Variants in NAV3 observed in about 807,000 individuals in gnomAD.
NAV3 encodes the protein neuron navigator 3.
A neutral mutation model predicts 244.7 loss-of-function variants in NAV3; 87 were observed. The ratio of observed to expected loss-of-function variants is 0.36; its 90% CI spans 0.30 to 0.42. The LOEUF is 0.42. NAV3 is among the 20% of genes least tolerant of loss of function. The probability of loss-of-function intolerance (pLI) is 1.00; values close to 1 mark genes in which losing one functional copy is unlikely to be tolerated. For missense variants in NAV3, 2,663 were observed against 2,893.3 expected, an observed-to-expected ratio of 0.92 and a Z score of 1.83; for synonymous variants, 1,126 against 1,042.2, an observed-to-expected ratio of 1.08 and a Z score of -1.55.
chr12:77,719,935 A>G (rs774126925), intron 2 of NAV3, among the ~76,000 whole-genome samples: 1 of 152,074 alleles, frequency 6.6e-6, no homozygotes, highest in Non-Finnish European at 1.5e-5. Flanking sequence ...TTCTTTGCTG[A>G]GATTTTTTAA....
At chr12:77,804,031 C>G (rs1280361019) in intron 2 of NAV3, among the ~76,000 whole-genome samples, 1 of 152,040 alleles carries the variant, frequency 6.6e-6, no homozygotes, top group Non-Finnish European at 1.5e-5. Flanking sequence ...GATATTAGCC[C>G]TTTGTCAGAT....
chr12:77,824,241 A>ATTTTTTTTTTTTTT (rs61710960), intron 2 of NAV3, among the ~76,000 whole-genome samples: 103 of 104,910 alleles, frequency 9.8e-4, no homozygotes, highest in African/African-American at 2.3e-3. Flanking sequence ...GCCCAACTAA[A>ATTTTTTTTTTTTTT]TTTTTTTTTT....
chr12:77,745,252 G>A (rs139354656), intron 2 of NAV3, among the ~76,000 whole-genome samples: 328 of 152,120 alleles, frequency 2.2e-3, no homozygotes, highest in African/African-American at 7.4e-3. Context: ...CTTTCTGCAT[G>A]CAACTGAGGT....
chr12:78,160,176 GTA>G (rs1194010789), intron 23 of NAV3, among the ~76,000 whole-genome samples: 1 of 152,052 alleles, frequency 6.6e-6, no homozygotes, highest in Non-Finnish European at 1.5e-5. Context: ...GGATTTTATG[GTA>G]TGAAAGAAGG....
At chr12:77,693,127 T>C (rs1875115251) in intron 2 of NAV3, among the ~76,000 whole-genome samples, 1 of 152,138 alleles carries the variant, frequency 6.6e-6, no homozygotes, top group Admixed American at 6.6e-5. Flanking sequence ...TGCCAGTCCA[T>C]GCAGAATCCT....
At chr12:77,797,460 T>C (rs1871468815) in intron 2 of NAV3, among the ~76,000 whole-genome samples, 1 of 151,780 alleles carries the variant, frequency 6.6e-6, no homozygotes, top group Admixed American at 6.6e-5. Flanking sequence ...GGCAAATTGG[T>C]AAACACATTA....
chr12:78,023,869 G>A (rs560377505), intron 9 of NAV3, among the ~76,000 whole-genome samples: 2 of 151,834 alleles, frequency 1.3e-5, no homozygotes, highest in African/African-American at 2.4e-5. Context: ...GTATCTACAC[G>A]GGTGTTCTTT....
chr12:77,891,321 G>T (rs982012921), intron 1 of NAV3, among the ~76,000 whole-genome samples: 37 of 148,708 alleles, frequency 2.5e-4, no homozygotes, highest in African/African-American at 1.2e-4. Flanking sequence ...AATTTATAAA[G>T]ATAATATAAT....
At chr12:77,683,231 T>A (rs111384625) in intron 2 of NAV3, among the ~76,000 whole-genome samples, 63 of 152,318 alleles carry the variant, frequency 4.1e-4, no homozygotes, top group African/African-American at 1.4e-3. Context: ...CTTTTGCATG[T>A]GGTTTTCTAG....
intron 2 of NAV3, among the ~76,000 whole-genome samples, chr12:77,576,664 A>G (rs1592467190): frequency 6.6e-6 from 1 of 152,096 alleles, no homozygotes; most frequent in African/African-American, 2.4e-5. Context: ...TGTTCTTCAG[A>G]TTATTCTTGC....
Position 78,179,574 on chromosome 12 carries a change from G to A in NAV3, c.5409G>A (p.Leu1803=), listed in dbSNP as rs142306478. Residue 1803 remains leucine, a synonymous_variant, in exon 29 of 40, where the codon CTG becomes CTA. Coordinates refer to ENST00000397909, the MANE Select transcript of NAV3 (RefSeq NM_001024383.2). ...TEAEAEIILQ[L]KSELREKELK... ...CTGAGGCAGAGATAATTCTGCAGCT[G>A]AAGAGCGAGCTCAGAGAAAAGGAAT... 9.1e-5 allele frequency: 147 copies of A among 1,613,350 alleles called. No homozygotes were observed. In the African/African-American group the frequency reaches 1.5e-3, roughly 16 times the overall value.
rs554915992 is a variant in NAV3 at position 77,840,772 on chromosome 12, G to A, written c.243+9068G>A. On this transcript the variant is annotated intron_variant, in intron 1 of 39. Transcript: ENST00000397909. The stretch of plus-strand genomic sequence containing the variant: ...AGCAACTGATCTCAGAGAGATGCTA[G>A]GGCAGAGCTGGAATTCCAACCTAGG... Among the ~76,000 whole-genome samples, 5 of 152,258 alleles carry A rather than the reference G, an allele frequency of 3.3e-5. No individual in the cohort carries two copies. The South Asian group carries it at 1.0e-3, about 32-fold the overall frequency.
chr12:78,010,067 T>A (rs1874998537), intron 8 of NAV3, among the ~76,000 whole-genome samples: 1 of 152,110 alleles, frequency 6.6e-6, no homozygotes, highest in African/African-American at 2.4e-5. Context: ...ATAAATAAAT[T>A]AAAACTGTCT....
At chr12:77,851,030 G>A (rs1436808541) in intron 1 of NAV3, among the ~76,000 whole-genome samples, 3 of 152,244 alleles carry the variant, frequency 2.0e-5, no homozygotes, top group South Asian at 2.1e-4. Context: ...CATCGGATAC[G>A]CTGTCTCAAG....
chr12:77,755,603 CTCCCTCCCTCCT>C (rs1449723816), intron 2 of NAV3, among the ~76,000 whole-genome samples: 1 of 70,380 alleles, frequency 1.4e-5, no homozygotes. Context: ...CCCTCCCTCC[CTCCCTCCCTCCT>C]TCCTTCCTTC....
intron 1 of NAV3, among the ~76,000 whole-genome samples, chr12:77,862,104 G>A (rs1879337196): frequency 6.6e-6 from 1 of 151,352 alleles, no homozygotes; most frequent in Non-Finnish European, 1.5e-5. Flanking sequence ...ACAGGCAAAT[G>A]CAGTTCTGAG....
intron 1 of NAV3, among the ~76,000 whole-genome samples, chr12:77,833,483 A>C (rs143732274): frequency 0.018 from 2,769 of 152,296 alleles, 74 homozygotes; most frequent in African/African-American, 0.062. Flanking sequence ...CCCGCTGCTG[A>C]AACCTCTAGA....
chr12:77,826,578 A>T (rs577235791), upstream of NAV3, among the ~76,000 whole-genome samples: 7 of 152,196 alleles, frequency 4.6e-5, no homozygotes, highest in African/African-American at 1.7e-4. Flanking sequence ...GAATTGTGCC[A>T]TATTCAAACA....
intron 2 of NAV3, among the ~76,000 whole-genome samples, chr12:77,810,105 G>A (rs889375420): frequency 6.6e-6 from 1 of 152,142 alleles, no homozygotes; most frequent in African/African-American, 2.4e-5. Flanking sequence ...AATCTTCTAA[G>A]TAAGTTTAGA....
Sources: gnomAD v4.1 joint callset for allele counts (sites outside exome capture counted in the v4.1 genomes callset) on GRCh38, gnomAD v4.1.1 for gene constraint, MANE v1.5 for transcripts, NCBI Gene and HGNC (gene_info 2026-07-23, HGNC 2026-07-21) for gene names.